The following FAAP20 variants were observed in gnomAD, a reference collection of about 807,000 sequenced individuals.
FAAP20 encodes the protein Fanconi anemia core complex-associated protein 20.
In FAAP20, 12 loss-of-function variants were observed where a neutral mutation model predicts 16.2. The ratio of observed to expected loss-of-function variants is 0.74; its 90% CI spans 0.48 to 1.20. FAAP20 has a LOEUF of 1.20. FAAP20 is among the 50% of genes most tolerant of loss of function. The pLI is 0.00. For synonymous variants in FAAP20, 141 were observed against 110.7 expected, an observed-to-expected ratio of 1.27 and a Z score of -1.72; for missense variants, 288 against 245.8, an observed-to-expected ratio of 1.17 and a Z score of -1.15.
intron 3 of FAAP20, chr1:2,190,138 G>T: frequency 2.0e-6 from 1 of 511,672 alleles, no homozygotes; most frequent in South Asian, 1.5e-5. Context: ...AAGGCAGGAC[G>T]GCGGGTGGCC....
chr1:2,190,229 C>G (rs1470312847), intron 3 of FAAP20: 6 of 458,950 alleles, frequency 1.3e-5, no homozygotes, highest in Non-Finnish European at 2.6e-5. Flanking sequence ...CAGCTCACGT[C>G]AGAGAATTGG....
chr1:2,203,307 G>C (rs778882980), upstream of FAAP20: 1 of 634,892 alleles, frequency 1.6e-6, no homozygotes, highest in Non-Finnish European at 2.0e-6. Context: ...CCCTTCTGCC[G>C]CCTTCTTCCC....
downstream of FAAP20, chr1:2,184,802 C>G: frequency 7.3e-7 from 1 of 1,377,868 alleles, no homozygotes; most frequent in Non-Finnish European, 1.0e-6. Context: ...GAGTCCCACC[C>G]GCCTGGTGTC....
chr1:2,189,337 A>C (rs1687895999), downstream of FAAP20, among the ~76,000 whole-genome samples: 2 of 150,954 alleles, frequency 1.3e-5, no homozygotes, highest in African/African-American at 2.4e-5. Flanking sequence ...GTCTCAAAAA[A>C]AAAAAAACAA....
chr1:2,184,549 G>A (rs373358003), downstream of FAAP20: 194 of 1,553,474 alleles, frequency 1.2e-4, no homozygotes, highest in African/African-American at 1.6e-3. Flanking sequence ...TGATGCCCGC[G>A]CGGAGCTGAC....
downstream of FAAP20, chr1:2,187,264 A>G: frequency 2.3e-6 from 1 of 426,346 alleles, no homozygotes; most frequent in East Asian, 7.3e-5. Context: ...TCCAAGAAGC[A>G]AAGGTTTCTG....
upstream of FAAP20, chr1:2,194,808 CCCCCGCCCCGG>C (rs1296217664): frequency 6.0e-5 from 65 of 1,088,726 alleles, no homozygotes; most frequent in African/African-American, 9.3e-4. Flanking sequence ...CCAGGCCCCG[CCCCCGCCCCGG>C]CCCCGCCTCC....
chr1:2,199,675 A>C, upstream of FAAP20: 2 of 973,612 alleles, frequency 2.1e-6, no homozygotes, highest in Non-Finnish European at 2.4e-6. This position sits in a 1 kb window ranked among gnomAD's most constrained non-coding sequence, Gnocchi z 4.5. Flanking sequence ...AGTACCTGAG[A>C]AAGTGGCCTC....
chr1:2,212,019 C>T (rs930801721), downstream of FAAP20, among the ~76,000 whole-genome samples: 13 of 151,348 alleles, frequency 8.6e-5, no homozygotes, highest in South Asian at 2.1e-4. Context: ...TCTCCTGCCT[C>T]AGCCTCCCGA....
chr1:2,194,079 G>A lies in FAAP20; in HGVS notation c.117C>T (p.Leu39=), dbSNP rs569002391. The change falls in exon 2 of 4, where the codon CTC becomes CTT. Residue 39 remains leucine, a synonymous_variant. Transcript: ENST00000378546. The part of the protein sequence containing the change: ...FLLGGDERER[L]WAELLRTVSP... The stretch of plus-strand genomic sequence containing the variant: ...TCACCGTGCGCAGTAGCTCGGCCCA[G>A]AGCCGCTCCCGCTCATCACCCCCCA... The A allele has an allele frequency of 8.9e-5, 143 of 1,612,606 alleles. No homozygotes were observed. In the East Asian group the frequency reaches 3.1e-3, roughly 35 times the overall value.
At chr1:2,187,658 A>G (rs1572091669), downstream of FAAP20, among the ~76,000 whole-genome samples, 1 of 152,268 alleles carries the variant, frequency 6.6e-6, no homozygotes, top group East Asian at 1.9e-4. Context: ...CTCCCAGCAA[A>G]ATGAGCAGAA....
upstream of FAAP20, among the ~76,000 whole-genome samples, chr1:2,202,199 G>C (rs919987758): frequency 1.3e-5 from 2 of 152,146 alleles, no homozygotes; most frequent in Admixed American, 1.3e-4. Context: ...CCCCAGCACC[G>C]TGTGGCCTTG....
upstream of FAAP20, among the ~76,000 whole-genome samples, chr1:2,197,698 G>T (rs1688879778): frequency 6.6e-6 from 1 of 152,240 alleles, no homozygotes; most frequent in African/African-American, 2.4e-5. Context: ...TGTCCTCCTG[G>T]GGGCTCTTCC....
At chr1:2,199,592 G>A, upstream of FAAP20, 1 of 985,784 alleles carries the variant, frequency 1.0e-6, no homozygotes. This position sits in a 1 kb window ranked among gnomAD's most constrained non-coding sequence, Gnocchi z 4.5. Context: ...CTCCTCTGGG[G>A]AAGGCAAGTC....
upstream of FAAP20, chr1:2,194,824 G>T: frequency 2.3e-6 from 2 of 884,716 alleles, no homozygotes; most frequent in Non-Finnish European, 2.6e-6. Flanking sequence ...CCCCGGCCCC[G>T]CCTCCAGACC....
chr1:2,185,494 G>A (rs568413498), downstream of FAAP20: 2 of 717,964 alleles, frequency 2.8e-6, no homozygotes, highest in Admixed American at 2.0e-5. Flanking sequence ...GGACACAGGT[G>A]GGGGCGGGAG....
upstream of FAAP20, chr1:2,199,122 C>A (rs957390776): frequency 1.7e-6 from 2 of 1,186,016 alleles, no homozygotes; most frequent in Non-Finnish European, 1.1e-6. The surrounding 1 kb of genome is among the most constrained non-coding windows in gnomAD (Gnocchi z 4.5). Flanking sequence ...TGGGGAGGGC[C>A]CTGGCCCGGG....
chr1:2,191,355 C>G (rs1317558935), intron 3 of FAAP20: 1 of 152,554 alleles, frequency 6.6e-6, no homozygotes, highest in African/African-American at 2.4e-5. Context: ...AGTGGGGGCT[C>G]AGTCCAGAAG....
At chr1:2,185,434 C>A (rs761280525), downstream of FAAP20, 146 of 718,746 alleles carry the variant, frequency 2.0e-4, no homozygotes, top group African/African-American at 1.8e-3. Context: ...GGCGCCTGCC[C>A]CACATCTCAG....
Sources: gnomAD v4.1 joint callset for allele counts (sites outside exome capture counted in the v4.1 genomes callset) on GRCh38, gnomAD v4.1.1 for gene constraint, Gnocchi (gnomAD v3.1) non-coding constraint, MANE v1.5 for transcripts, NCBI Gene and HGNC (gene_info 2026-07-23, HGNC 2026-07-21) for gene names.